SH3GL2: variants seen among roughly 807,000 people sequenced by gnomAD.
SH3GL2 encodes the protein SH3 domain containing GRB2 like 2, endophilin A1, also known as endophilin-A1.
SH3GL2 carries 24 observed loss-of-function variants against 46.0 expected under a neutral mutation model. The ratio of observed to expected loss-of-function variants is 0.52; its 90% CI spans 0.38 to 0.73. The LOEUF is 0.73. Ranked by LOEUF, SH3GL2 falls within the 30% of genes least tolerant of loss-of-function variation. The probability of loss-of-function intolerance (pLI) is 0.00; values close to 1 mark genes in which losing one functional copy is unlikely to be tolerated. For synonymous variants in SH3GL2, 196 were observed against 147.1 expected (o/e 1.33, Z -2.40); for missense variants, 413 against 424.2 (o/e 0.97, Z 0.23).
At chr9:17,743,532 T>C (rs116489938) in intron 1 of SH3GL2, among the ~76,000 whole-genome samples, 1,781 of 151,344 alleles carry the variant, frequency 0.012, 38 homozygotes, top group African/African-American at 0.039. Flanking sequence ...CCTCCCTCCT[T>C]CTTCCTTTCC....
intron 1 of SH3GL2, among the ~76,000 whole-genome samples, chr9:17,645,239 T>C (rs1819785619): frequency 6.9e-6 from 1 of 144,566 alleles, no homozygotes; most frequent in African/African-American, 2.5e-5. Flanking sequence ...CTGTGTGTGC[T>C]TTTGCACATG....
Position 17,796,931 on chromosome 9 carries a change from T to A in SH3GL2, c.*1188T>A, listed in dbSNP as rs1824286904. On this transcript the variant is annotated 3_prime_UTR_variant, in exon 9 of 9. Transcript: ENST00000380607. ...TGTGTTTTTTTATTTGTATCAGTCATGAAAGTCCTGTTAGGTATGCAGAGT... is the reference window on the plus strand; with the variant it reads ...TGTGTTTTTTTATTTGTATCAGTCAAGAAAGTCCTGTTAGGTATGCAGAGT... The A allele has an allele frequency of 1.3e-5, 2 of 152,664 alleles. No homozygotes were observed. The highest frequency in any genetic ancestry group is 4.1e-4 in the South Asian group (2 of 4,828). The allele number at this position is 152,664 out of a possible 1,614,324, so 9.5% of individuals were successfully genotyped here. A position where few individuals can be genotyped will look rare whatever the true frequency, so the allele number is the denominator to read the frequency against.
In SH3GL2 at chr9:17,624,766, C is replaced by G. The variant is rs1223516156; in HGVS notation, c.45+45479C>G. Among the ~76,000 whole-genome samples the G allele has an allele frequency of 3.9e-5, 6 of 152,264 alleles. No individual in the cohort carries two copies. In the East Asian group the frequency reaches 7.7e-4, roughly 20 times the overall value. ...TACTCTAGCCCTGGAGCCATCTGTT[C>G]CTTTGAGGATCCCAGATTCCTTTTA... On this transcript the variant is annotated intron_variant, in intron 1 of 8. Coordinates refer to ENST00000380607, the MANE Select transcript of SH3GL2 (RefSeq NM_003026.5).
intron 1 of SH3GL2, among the ~76,000 whole-genome samples, chr9:17,743,309 T>G (rs1007001581): frequency 6.6e-6 from 1 of 152,338 alleles, no homozygotes; most frequent in Admixed American, 6.5e-5. Flanking sequence ...AATATAGATG[T>G]TATTTTTAAT....
intron 1 of SH3GL2, among the ~76,000 whole-genome samples, chr9:17,730,253 C>T (rs1160144564): frequency 6.6e-6 from 1 of 152,002 alleles, no homozygotes; most frequent in Admixed American, 6.6e-5. Context: ...CATGATTGGG[C>T]TCACTGTCTA....
At chr9:17,588,160 C>T (rs547575094) in intron 1 of SH3GL2, among the ~76,000 whole-genome samples, 4 of 152,062 alleles carry the variant, frequency 2.6e-5, no homozygotes, top group Non-Finnish European at 5.9e-5. Context: ...GACCCTGGAT[C>T]GGTTCTGCCA....
At chr9:17,655,434 C>T (rs1488534278) in intron 1 of SH3GL2, among the ~76,000 whole-genome samples, 1 of 152,072 alleles carries the variant, frequency 6.6e-6, no homozygotes, top group Non-Finnish European at 1.5e-5. Flanking sequence ...GCGCTGAGTC[C>T]ATTCTAATAA....
At chr9:17,646,570 G>A (rs778071218) in intron 1 of SH3GL2, among the ~76,000 whole-genome samples, 2 of 152,098 alleles carry the variant, frequency 1.3e-5, no homozygotes, top group Non-Finnish European at 2.9e-5. Context: ...GCGTGGTCAT[G>A]CTTTTTGTTG....
In SH3GL2 at chr9:17,644,089, C is replaced by T. The variant is rs527488749; in HGVS notation, c.45+64802C>T. Reference sequence around the variant, plus strand: ...GGGTGTATGTGTCCAGGAATTTATCCATTTCTTCTGGATTTTCTAGTTTAT... The same window carrying T: ...GGGTGTATGTGTCCAGGAATTTATCTATTTCTTCTGGATTTTCTAGTTTAT... On this transcript the variant is annotated intron_variant, in intron 1 of 8. Transcript: ENST00000380607. Among the ~76,000 whole-genome samples, 5 of 152,216 alleles carry T rather than the reference C, an allele frequency of 3.3e-5. No homozygotes were observed. The South Asian group carries it at 8.3e-4, about 25-fold the overall frequency.
rs1365168224 is a variant in SH3GL2, at chr9:17,786,519, A to G, written c.326A>G (p.Asn109Ser). 6.2e-7 allele frequency: 1 copy of G among 1,613,198 alleles called. No individual in the cohort carries two copies. Among genetic ancestry groups the G allele is most frequent in the Admixed American group, 1.7e-5 (1 of 59,886 alleles). The change falls in exon 4 of 9, where the codon AAC (asparagine) becomes AGC (serine). Residue 109 changes from asparagine to serine, a missense_variant. Asn to Ser is a conservative substitution (Grantham distance 46, BLOSUM62 1). This residue lies in a region of SH3GL2 where 160 missense variants were observed against 192.3 expected (regional missense o/e 0.83). Coordinates refer to ENST00000380607, the MANE Select transcript of SH3GL2 (RefSeq NM_003026.5). ...KFGRELGDDC[N>S]FGPALGEVGE... ...GGAAGAGAGCTTGGAGATGATTGCAACTTTGGTAACAAGTGCTTCCTCACA... is the reference window on the plus strand; with the variant it reads ...GGAAGAGAGCTTGGAGATGATTGCAGCTTTGGTAACAAGTGCTTCCTCACA...
At chr9:17,616,766 T>C (rs1819011130) in intron 1 of SH3GL2, among the ~76,000 whole-genome samples, 1 of 152,172 alleles carries the variant, frequency 6.6e-6, no homozygotes, top group African/African-American at 2.4e-5. Context: ...AGCCTGTTGG[T>C]TTAGTAGATT....
At chr9:17,591,098 C>G (rs1236169344) in intron 1 of SH3GL2, 4 of 152,162 alleles carry the variant, frequency 2.6e-5, no homozygotes, top group Admixed American at 1.3e-4. Flanking sequence ...CAGCTACTTT[C>G]TGTGTCTGAA....
intron 2 of SH3GL2, among the ~76,000 whole-genome samples, chr9:17,752,978 G>T (rs1822889785): frequency 6.6e-6 from 1 of 152,072 alleles, no homozygotes; most frequent in African/African-American, 2.4e-5. Flanking sequence ...GTCTCTTCCT[G>T]CATTAGTTTG....
intron 1 of SH3GL2, among the ~76,000 whole-genome samples, chr9:17,681,559 G>A (rs1357261250): frequency 2.6e-5 from 4 of 152,044 alleles, no homozygotes; most frequent in Admixed American, 2.0e-4. Context: ...AACTCAAGAT[G>A]GGTTAAAGAC....
intron 1 of SH3GL2, among the ~76,000 whole-genome samples, chr9:17,660,653 C>T (rs1820191329): frequency 6.6e-6 from 1 of 152,108 alleles, no homozygotes; most frequent in Non-Finnish European, 1.5e-5. Flanking sequence ...CAGAAAATCA[C>T]TTAATTCCTC....
chr9:17,651,065 T>G (rs140926256), intron 1 of SH3GL2, among the ~76,000 whole-genome samples: 149 of 152,270 alleles, frequency 9.8e-4, no homozygotes, highest in Admixed American at 1.8e-3. Context: ...CTATTTTGTT[T>G]CTTGGCTTTG....
chr9:17,639,047 G>A (rs1180594970), intron 1 of SH3GL2, among the ~76,000 whole-genome samples: 1 of 152,186 alleles, frequency 6.6e-6, no homozygotes, highest in Non-Finnish European at 1.5e-5. Flanking sequence ...CAAGTGTAAT[G>A]TATGTAACAC....
chr9:17,623,708 A>G (rs1176247693), intron 1 of SH3GL2, among the ~76,000 whole-genome samples: 1 of 13,198 alleles, frequency 7.6e-5, no homozygotes, highest in Non-Finnish European at 2.1e-4. Flanking sequence ...AATTTCCTAC[A>G]CACACACACA....
At chr9:17,674,567 A>G (rs1820560255) in intron 1 of SH3GL2, among the ~76,000 whole-genome samples, 1 of 152,100 alleles carries the variant, frequency 6.6e-6, no homozygotes, top group Non-Finnish European at 1.5e-5. Context: ...CAAAGCAATG[A>G]ACATGTTATT....
Sources: gnomAD v4.1 joint callset for allele counts (sites outside exome capture counted in the v4.1 genomes callset) on GRCh38, gnomAD v4.1.1 for gene constraint, gnomAD v4.1.1 regional missense constraint, MANE v1.5 for transcripts, NCBI Gene and HGNC (gene_info 2026-07-23, HGNC 2026-07-21) for gene names.